ACVR1: variants seen among roughly 807,000 people sequenced by gnomAD.
ACVR1 encodes activin A receptor type 1, also known as activin receptor type-1.
A neutral mutation model predicts 57.1 loss-of-function variants in ACVR1; 38 were observed. That is an observed-to-expected ratio of 0.67 (90% CI 0.51 to 0.87). The LOEUF is 0.87. ACVR1 is among the 40% of genes least tolerant of loss of function. The pLI, the probability that ACVR1 is intolerant of heterozygous loss-of-function variation, is 0.00. For missense variants in ACVR1, 463 were observed against 638.2 expected, an observed-to-expected ratio of 0.73 and a Z score of 2.96; for synonymous variants, 212 against 228.1, an observed-to-expected ratio of 0.93 and a Z score of 0.63.
intron 1 of ACVR1, among the ~76,000 whole-genome samples, chr2:157,868,546 GC>G (rs1197014120): frequency 2.0e-5 from 3 of 150,922 alleles, no homozygotes; most frequent in Admixed American, 6.6e-5. Flanking sequence ...TAAAAAACAA[GC>G]CCCTTATATT....
intron 8 of ACVR1, 143 bp from the exon 9 acceptor site, chr2:157,761,220 A>G (rs1437532410): frequency 8.0e-6 from 6 of 746,536 alleles, no homozygotes; most frequent in African/African-American, 1.7e-5. Flanking sequence ...TGATCCCTAG[A>G]ATGCCCTTTG....
At chr2:157,759,485 T>A (rs557072858) in intron 9 of ACVR1, among the ~76,000 whole-genome samples, 1 of 152,118 alleles carries the variant, frequency 6.6e-6, no homozygotes, top group African/African-American at 2.4e-5. Context: ...AAAGAAAACC[T>A]CAGGATTGGA....
chr2:157,812,743 C>T (rs1163396050), intron 2 of ACVR1, among the ~76,000 whole-genome samples: 1 of 152,258 alleles, frequency 6.6e-6, no homozygotes, highest in South Asian at 2.1e-4. Flanking sequence ...TCTTCCTTAT[C>T]TTCAAACTGA....
At chr2:157,773,784 A>T (rs191172533) in intron 6 of ACVR1, among the ~76,000 whole-genome samples, 3 of 152,208 alleles carry the variant, frequency 2.0e-5, no homozygotes, top group Non-Finnish European at 2.9e-5. Context: ...TCCAATACCT[A>T]TGGTAAGGAG....
chr2:157,775,374 C>G (rs1173552033), intron 5 of ACVR1, among the ~76,000 whole-genome samples: 2 of 152,196 alleles, frequency 1.3e-5, no homozygotes, highest in Non-Finnish European at 2.9e-5. Context: ...CATAGATTAT[C>G]TGTAATAAAC....
At chr2:157,784,809 C>G (rs931652298) in intron 3 of ACVR1, among the ~76,000 whole-genome samples, 24 of 152,254 alleles carry the variant, frequency 1.6e-4, no homozygotes, top group African/African-American at 5.5e-4. Context: ...AGTTCACCAC[C>G]TGGGCACACC....
At chr2:157,779,816 C>T (rs917300003) in intron 4 of ACVR1, among the ~76,000 whole-genome samples, 8 of 152,126 alleles carry the variant, frequency 5.3e-5, no homozygotes, top group Non-Finnish European at 7.4e-5. Context: ...TGCGAAATCT[C>T]ATCCTGCTTC....
At chr2:157,830,379 C>T (rs1479276327) in intron 1 of ACVR1, among the ~76,000 whole-genome samples, 1 of 151,266 alleles carries the variant, frequency 6.6e-6, no homozygotes, top group African/African-American at 2.4e-5. Flanking sequence ...GGTAGACCTA[C>T]TGGAACCCAT....
chr2:157,791,516 C>G (rs1686911067), intron 3 of ACVR1, among the ~76,000 whole-genome samples: 1 of 152,212 alleles, frequency 6.6e-6, no homozygotes, highest in Non-Finnish European at 1.5e-5. Flanking sequence ...CCTCCACATT[C>G]TGGCCTCTCA....
chr2:157,843,555 C>A (rs1689039650), intron 1 of ACVR1, among the ~76,000 whole-genome samples: 1 of 152,168 alleles, frequency 6.6e-6, no homozygotes, highest in Admixed American at 6.5e-5. Flanking sequence ...CTTAATGTCA[C>A]AAAGCTGGGA....
At chr2:157,814,526 T>C (rs1281380059) in intron 2 of ACVR1, among the ~76,000 whole-genome samples, 2 of 152,206 alleles carry the variant, frequency 1.3e-5, no homozygotes, top group African/African-American at 4.8e-5. Context: ...CCCATCGTTG[T>C]TAAATCTAAA....
intron 7 of ACVR1, among the ~76,000 whole-genome samples, chr2:157,768,787 T>C (rs1033776756): frequency 1.1e-4 from 16 of 152,234 alleles, no homozygotes; most frequent in African/African-American, 3.9e-4. Context: ...TCTCTGTATA[T>C]TGGTTACCTC....
intron 5 of ACVR1, among the ~76,000 whole-genome samples, chr2:157,775,102 G>A (rs966053152): frequency 6.6e-6 from 1 of 152,172 alleles, no homozygotes; most frequent in African/African-American, 2.4e-5. Flanking sequence ...ATTGGTAAGC[G>A]CAGGCAGCAA....
intron 8 of ACVR1, among the ~76,000 whole-genome samples, chr2:157,761,340 AG>A (rs1469225368): frequency 6.6e-6 from 1 of 152,192 alleles, no homozygotes; most frequent in Non-Finnish European, 1.5e-5. Flanking sequence ...GGTAAATTGT[AG>A]ACCAATGCAC....
chr2:157,742,684 A>G (rs978029595), intron 9 of ACVR1, among the ~76,000 whole-genome samples: 1 of 152,118 alleles, frequency 6.6e-6, no homozygotes, highest in Admixed American at 6.5e-5. Context: ...CCTTTAAAGC[A>G]CACACCACAA....
intron 8 of ACVR1, among the ~76,000 whole-genome samples, chr2:157,762,695 A>G (rs1685707742): frequency 6.6e-6 from 1 of 152,222 alleles, no homozygotes; most frequent in Admixed American, 6.5e-5. Context: ...GGCATAAGTG[A>G]CAGTGGGTAT....
At chr2:157,820,575 T>G (rs1280353928) in intron 1 of ACVR1, among the ~76,000 whole-genome samples, 1 of 140,752 alleles carries the variant, frequency 7.1e-6, no homozygotes, top group African/African-American at 2.7e-5. Context: ...ACTCTCTCTC[T>G]TTTTTTTTTT....
At chr2:157,796,700 TA>T (rs34575127) in intron 3 of ACVR1, among the ~76,000 whole-genome samples, 2,768 of 137,220 alleles carry the variant, frequency 0.02, 25 homozygotes, top group Middle Eastern at 0.041. Flanking sequence ...TTAAAAGAGG[TA>T]AAAAAAAAAA....
chr2:157,777,846 A>G (rs975507773), intron 5 of ACVR1, among the ~76,000 whole-genome samples: 3 of 152,226 alleles, frequency 2.0e-5, no homozygotes, highest in Non-Finnish European at 4.4e-5. Flanking sequence ...ACTGTAGGCA[A>G]CCATTCTCTG....
Sources: gnomAD v4.1 joint callset for allele counts (sites outside exome capture counted in the v4.1 genomes callset) on GRCh38, gnomAD v4.1.1 for gene constraint, MANE v1.5 for transcripts, NCBI Gene and HGNC (gene_info 2026-07-23, HGNC 2026-07-21) for gene names.